The following FAT1 variants were observed in gnomAD, a reference collection of about 807,000 sequenced individuals.
The protein encoded by FAT1 is FAT atypical cadherin 1.
A neutral mutation model predicts 329.8 loss-of-function variants in FAT1; 171 were observed. The observed-to-expected ratio is 0.52, with a 90% CI of 0.46 to 0.59. The LOEUF (loss-of-function observed/expected upper bound fraction) is 0.59. FAT1 is among the 20% of genes least tolerant of loss of function. FAT1 has a pLI of 0.00. For missense variants in FAT1, 5,672 were observed against 5,774.4 expected, an observed-to-expected ratio of 0.98 and a Z score of 0.57; for synonymous variants, 2,233 against 2,228.6, an observed-to-expected ratio of 1.00 and a Z score of -0.06.
rs2126413011 is a variant in FAT1, at chr4:186,600,172, G to C, written c.11829C>G (p.Thr3943=). The C allele has an allele frequency of 6.2e-7, 1 of 1,614,068 alleles. No individual in the cohort carries two copies. The highest frequency in any genetic ancestry group is 8.5e-7 in the Non-Finnish European group (1 of 1,179,904). The stretch of plus-strand genomic sequence containing the variant: ...AAAACACATAGTTATCCAGGTTCAG[G>C]GTTTTCAGAGTCCCTGGGGCTGTGC... The part of the protein sequence containing the change: ...ASGTAPGTLK[T]LNLDNYVFFG... Residue 3943 remains threonine (T), a synonymous_variant, in exon 22 of 27, where the codon ACC becomes ACG. Coordinates refer to ENST00000441802, the MANE Select transcript of FAT1 (RefSeq NM_005245.4).
intron 7 of FAT1, among the ~76,000 whole-genome samples, chr4:186,631,882 C>T (rs969646704): frequency 5.2e-4 from 78 of 150,000 alleles, no homozygotes; most frequent in African/African-American, 1.7e-3. Flanking sequence ...AGCTGCTGCA[C>T]CCCCCTCCCG....
At position 186,682,526 on chromosome 4, in the gene FAT1, C is replaced by CAAAAAAAAAAAAAAAAAAAAAAAAAAAAA. The variant is rs10561120; in HGVS notation, c.3266-18914_3266-18913insTTTTTTTTTTTTTTTTTTTTTTTTTTTTT. Among the ~76,000 whole-genome samples the CAAAAAAAAAAAAAAAAAAAAAAAAAAAAA allele has an allele frequency of 9.2e-5, 11 of 119,734 alleles. 1 individual carries two copies. Among genetic ancestry groups the CAAAAAAAAAAAAAAAAAAAAAAAAAAAAA allele is most frequent in the African/African-American group, 3.9e-4 (10 of 25,394 alleles). 78.6% of individuals were successfully genotyped at this position (119,734 alleles called of 152,430 possible). On this transcript the variant is annotated intron_variant, in intron 2 of 26. Transcript: ENST00000441802. ...TGAGTGAAAGAGCGAGACTCTGTCT[C>CAAAAAAAAAAAAAAAAAAAAAAAAAAAAA]AAAAAAAAAAAAAAAAAAGAAAGTT... is the stretch of plus-strand genomic sequence containing the variant.
At position 186,596,051 on chromosome 4, in the gene FAT1, A is replaced by C. The variant is rs1412616128; in HGVS notation, c.13001-225T>G. ...CTTAGAGATTATTCATAGAGTAGAA[A>C]TCGCCCATAAGCATGCCTATGGGTA... On this transcript the variant is annotated intron_variant, in intron 25 of 26. Coordinates refer to ENST00000441802, the MANE Select transcript of FAT1 (RefSeq NM_005245.4). This position sits in a 1 kb window ranked among gnomAD's most constrained non-coding sequence, Gnocchi z 4.7. Among the ~76,000 whole-genome samples the C allele has an allele frequency of 1.3e-5, 2 of 152,176 alleles. No homozygotes were observed. The highest frequency in any genetic ancestry group is 4.8e-5 in the African/African-American group (2 of 41,442).
chr4:186,637,630 T>G (rs1192005012), intron 4 of FAT1, among the ~76,000 whole-genome samples: 1 of 152,246 alleles, frequency 6.6e-6, no homozygotes, highest in Non-Finnish European at 1.5e-5. Flanking sequence ...AGGACTGCAC[T>G]GATGACTGTT....
chr4:186,721,248 A>ATGAC (rs1745457393), intron 1 of FAT1, among the ~76,000 whole-genome samples: 1 of 151,250 alleles, frequency 6.6e-6, no homozygotes, highest in Admixed American at 6.6e-5. Flanking sequence ...ACAGTAAAAG[A>ATGAC]TGACTTAAAA....
rs758020725 is a variant in FAT1 at position 186,621,531 on chromosome 4, G to GA, written c.5054dup (p.Val1686ArgfsTer8). 2 of 1,613,926 alleles carry GA rather than the reference G, an allele frequency of 1.2e-6. No individual in the cohort carries two copies. The highest frequency in any genetic ancestry group is 1.7e-6 in the Non-Finnish European group (2 of 1,179,868). On this transcript the variant is annotated frameshift_variant, in exon 10 of 27. Coordinates refer to ENST00000441802, the MANE Select transcript of FAT1 (RefSeq NM_005245.4). LOFTEE classifies it high-confidence loss of function. ...GACTATGGGCTGTAACCATCCCAAC[G>GA]AAACTCCCAATGCTGACAGTTTCAC...
In FAT1 at chr4:186,603,645, G is replaced by C. The variant is rs1466083778; in HGVS notation, c.10881C>G (p.Ile3627Met). The stretch of plus-strand genomic sequence containing the variant: ...GTGTGACTTGTCTGATATGCACTGT[G>C]ATGTCGGCCACCGTCGTGAACTTCC... ...TDGKFTTVAD[I>M]TVHIRQVTQE... Residue 3627 changes from isoleucine to methionine, a missense_variant, in exon 19 of 27, where the codon ATC becomes ATG. Ile to Met is a conservative substitution (Grantham distance 10). Transcript: ENST00000441802. The C allele has an allele frequency of 6.2e-7, 1 of 1,614,008 alleles. No individual in the cohort carries two copies. Among genetic ancestry groups the C allele is most frequent in the African/African-American group, 1.3e-5 (1 of 75,026 alleles).
chr4:186,639,490 C>T (rs566726618), intron 4 of FAT1, among the ~76,000 whole-genome samples: 57 of 152,250 alleles, frequency 3.7e-4, no homozygotes, highest in South Asian at 3.5e-3. Flanking sequence ...GATCTGAATC[C>T]GGCCCATGAC....
At position 186,707,569 on chromosome 4, in the gene FAT1, G is replaced by C. The variant is rs142968581; in HGVS notation, c.2259C>G (p.Val753=). The C allele has an allele frequency of 2.9e-4, 476 of 1,613,956 alleles. 1 individual carries two copies. The highest frequency in any genetic ancestry group is 3.8e-4 in the Non-Finnish European group (451 of 1,179,894). ...DLDTGFNGKL[V]YAVSGGNEDS... ...CCTCATTTCCTCCAGAAACAGCATA[G>C]ACCAGTTTTCCATTGAAGCCAGTGT... Residue 753 remains valine (V), a synonymous_variant, in exon 2 of 27, where the codon GTC becomes GTG. Transcript: ENST00000441802.
At chr4:186,723,258 C>A (rs1365747707) in intron 1 of FAT1, among the ~76,000 whole-genome samples, 1 of 152,256 alleles carries the variant, frequency 6.6e-6, no homozygotes, top group African/African-American at 2.4e-5. Flanking sequence ...CACCCAGAGA[C>A]CCAGGGACCC....
intron 1 of FAT1, among the ~76,000 whole-genome samples, chr4:186,717,903 A>C (rs919697617): frequency 6.6e-6 from 1 of 152,116 alleles, no homozygotes; most frequent in Non-Finnish European, 1.5e-5. Context: ...TTGCCCAAGG[A>C]GAAGCTCAAT....
At chr4:186,723,884 G>A (rs2126728291), upstream of FAT1, 1 of 150,390 alleles carries the variant, frequency 6.6e-6, no homozygotes, top group South Asian at 2.1e-4. Flanking sequence ...CCTCCGCCCC[G>A]GCCCCGCCCG....
chr4:186,602,754 C>T, intron 20 of FAT1, 149 bp downstream of exon 20: 1 of 896,956 alleles, frequency 1.1e-6, no homozygotes, highest in Non-Finnish European at 1.6e-6. Context: ...GCAAAACTTA[C>T]TACTGTCATT....
chr4:186,663,429 T>G lies in FAT1; in HGVS notation c.3450A>C (p.Glu1150Asp). Residue 1150 changes from glutamate to aspartate, a missense_variant, in exon 3 of 27, where the codon GAA (glutamate) becomes GAC (aspartate). By Grantham distance (45) the Glu-to-Asp change is conservative. Coordinates refer to ENST00000441802, the MANE Select transcript of FAT1 (RefSeq NM_005245.4). ...SEPVYYPEIM[E>D]NSPKDVSVVQ... is the part of the protein sequence containing the mutation. ...CCACAGATACATCTTTAGGAGAATT[T>G]TCCATGATTTCTGGGTAATAAACAG... 6.2e-7 allele frequency: 1 copy of G among 1,614,030 alleles called. No homozygotes were observed. The highest frequency in any genetic ancestry group is 8.5e-7 in the Non-Finnish European group (1 of 1,179,900).
intron 2 of FAT1, 97 bp from the exon 3 acceptor site, chr4:186,663,710 A>G (rs1365600466): frequency 9.7e-6 from 9 of 928,182 alleles, no homozygotes; most frequent in South Asian, 6.8e-5. Flanking sequence ...AGAGCTTTAT[A>G]TGTCTCTTAC....
At chr4:186,622,389 G>C (rs1054526553) in intron 9 of FAT1, among the ~76,000 whole-genome samples, 1 of 152,130 alleles carries the variant, frequency 6.6e-6, no homozygotes, top group Non-Finnish European at 1.5e-5. Flanking sequence ...CTGCTCCCTA[G>C]GAGACATCTG....
rs575252840 is a variant in FAT1 at position 186,704,943 on chromosome 4, CTT to C, written c.3265+1618_3265+1619del. On this transcript the variant is annotated intron_variant, in intron 2 of 26. Transcript: ENST00000441802. ...AAATATATTACAACTTCCAAAATAACTTTTTTTTTTTTTTTTTTTTTGAGATA... is the reference window on the plus strand; with the variant it reads ...AAATATATTACAACTTCCAAAATAACTTTTTTTTTTTTTTTTTTTGAGATA... 5.3e-4 allele frequency among the ~76,000 whole-genome samples: 64 copies of C among 120,590 alleles called. 1 individual carries two copies. The highest frequency in any genetic ancestry group is 8.5e-4 in the South Asian group (3 of 3,532). The allele number at this position is 120,590 out of a possible 152,430, so 79.1% of individuals were successfully genotyped here.
intron 2 of FAT1, among the ~76,000 whole-genome samples, chr4:186,680,494 T>C (rs1743161718): frequency 6.6e-6 from 1 of 152,130 alleles, no homozygotes; most frequent in South Asian, 2.1e-4. Context: ...CCTGCCCCTC[T>C]GGAAGGGAAG....
intron 4 of FAT1, among the ~76,000 whole-genome samples, chr4:186,637,949 C>A (rs981254493): frequency 3.3e-5 from 5 of 152,276 alleles, no homozygotes; most frequent in African/African-American, 9.6e-5. Flanking sequence ...TTTAAACTCT[C>A]GAAACATTTC....
Sources: gnomAD v4.1 joint callset for allele counts (sites outside exome capture counted in the v4.1 genomes callset) on GRCh38, gnomAD v4.1.1 for gene constraint, Gnocchi (gnomAD v3.1) non-coding constraint, MANE v1.5 for transcripts, NCBI Gene and HGNC (gene_info 2026-07-23, HGNC 2026-07-21) for gene names.